SNX30: variants seen among roughly 807,000 people sequenced by gnomAD.
SNX30 encodes the protein sorting nexin-30.
In SNX30, 24 loss-of-function variants were observed where a neutral mutation model predicts 46.4. The ratio of observed to expected loss-of-function variants is 0.52; its 90% CI spans 0.37 to 0.73. The LOEUF (loss-of-function observed/expected upper bound fraction) is 0.73, where lower values mean the gene tolerates loss of function less well. Ranked by LOEUF, SNX30 falls within the 30% of genes least tolerant of loss-of-function variation. The pLI, the probability that SNX30 is intolerant of heterozygous loss-of-function variation, is 0.00. For missense variants in SNX30, 533 were observed against 555.7 expected (o/e 0.96, Z 0.41); for synonymous variants, 189 against 211.5 (o/e 0.89, Z 0.92).
chr9:112,856,930 G>A (rs1184087452), intron 7 of SNX30: 1 of 152,496 alleles, frequency 6.6e-6, no homozygotes, highest in African/African-American at 2.4e-5. Context: ...GTTTCCATGT[G>A]ACAGATGGGG....
chr9:112,796,378 C>G (rs1004585370), intron 1 of SNX30, among the ~76,000 whole-genome samples: 6 of 152,170 alleles, frequency 3.9e-5, no homozygotes, highest in Non-Finnish European at 5.9e-5. Flanking sequence ...TCCTGGAGTT[C>G]CAGAGAAGAT....
intron 2 of SNX30, among the ~76,000 whole-genome samples, chr9:112,816,059 G>A (rs1840391513): frequency 6.6e-6 from 1 of 152,050 alleles, no homozygotes; most frequent in Non-Finnish European, 1.5e-5. Context: ...TGCCCAGGCT[G>A]GTCTCAAACT....
downstream of SNX30, among the ~76,000 whole-genome samples, chr9:112,876,800 G>A (rs534418204): frequency 6.6e-6 from 1 of 152,292 alleles, no homozygotes; most frequent in African/African-American, 2.4e-5. Flanking sequence ...GCCAGACATG[G>A]TGGTGCGTGC....
chr9:112,774,913 C>T (rs1295269839), intron 1 of SNX30, among the ~76,000 whole-genome samples: 3 of 147,504 alleles, frequency 2.0e-5, no homozygotes, highest in Non-Finnish European at 3.0e-5. Flanking sequence ...GGCGCCGTCT[C>T]GACTCACTGC....
Position 112,817,745 on chromosome 9 carries a change from G to A in SNX30, c.389G>A (p.Arg130His), listed in dbSNP as rs1361933194. The A allele has an allele frequency of 8.1e-6, 13 of 1,613,494 alleles. No individual in the cohort carries two copies. The highest frequency in any genetic ancestry group is 2.2e-5 in the East Asian group (1 of 44,864). ...VEFDLPEYSV[R>H]RRYQDFDWLR... ...TTTGACCTGCCAGAATATTCTGTTC[G>A]TCGAAGATACCAGGATTTTGACTGG... Residue 130 changes from arginine to histidine, a missense_variant, in exon 3 of 9, where the codon CGT (arginine) becomes CAT (histidine). By Grantham distance (29) the Arg-to-His change is conservative. This residue lies in a region of SNX30 where 81 missense variants were observed against 124.4 expected (regional missense o/e 0.65). Coordinates refer to ENST00000374232, the MANE Select transcript of SNX30 (RefSeq NM_001012994.2).
chr9:112,751,127 C>T lies in SNX30; in HGVS notation c.126C>T (p.Asp42=). The T allele has an allele frequency of 6.6e-7, 1 of 1,509,966 alleles. No homozygotes were observed. Among genetic ancestry groups the T allele is most frequent in the African/African-American group, 1.4e-5 (1 of 70,798 alleles). 93.5% of individuals were successfully genotyped at this position (1,509,966 alleles called of 1,614,324 possible). The part of the protein sequence containing the change: ...AVGGDSTPSP[D]LLMARSFGDK... ...GTGGTGACAGCACGCCCAGCCCGGACCTGCTGATGGCCCGCAGCTTCGGTG... is the reference window on the plus strand; with the variant it reads ...GTGGTGACAGCACGCCCAGCCCGGATCTGCTGATGGCCCGCAGCTTCGGTG... Residue 42 remains aspartate, a synonymous_variant, in exon 1 of 9, where the codon GAC becomes GAT. Coordinates refer to ENST00000374232, the MANE Select transcript of SNX30 (RefSeq NM_001012994.2).
intron 1 of SNX30, among the ~76,000 whole-genome samples, chr9:112,797,285 T>G (rs1424118123): frequency 6.6e-6 from 1 of 152,226 alleles, no homozygotes; most frequent in African/African-American, 2.4e-5. Context: ...CTTCCTTTCC[T>G]GGCATTTGTC....
intron 1 of SNX30, among the ~76,000 whole-genome samples, chr9:112,756,270 A>AT (rs1413964317): frequency 1.3e-5 from 2 of 151,934 alleles, no homozygotes; most frequent in East Asian, 3.9e-4. Context: ...TTTCTTTGTC[A>AT]TTTTCCAACT....
At position 112,761,687 on chromosome 9, in the gene SNX30, G is replaced by C. The variant is rs188709277; in HGVS notation, c.156+10530G>C. On this transcript the variant is annotated intron_variant, in intron 1 of 8. Transcript: ENST00000374232. ...TGAACAGTGGTGCCGTCTTTGAGAG[G>C]GGGGCGCAGACCGGGAAGCACATGT... 1.5e-4 allele frequency among the ~76,000 whole-genome samples: 23 copies of C among 152,212 alleles called. 1 individual carries two copies. The East Asian group carries it at 4.4e-3, about 29-fold the overall frequency.
At chr9:112,877,465 A>G (rs1000141633), downstream of SNX30, 6 of 152,230 alleles carry the variant, frequency 3.9e-5, no homozygotes, top group African/African-American at 1.2e-4. Flanking sequence ...GAGGTTGAAC[A>G]TGGTCTTGAC....
At chr9:112,789,863 A>G (rs949766764) in intron 1 of SNX30, among the ~76,000 whole-genome samples, 1 of 152,258 alleles carries the variant, frequency 6.6e-6, no homozygotes, top group African/African-American at 2.4e-5. Context: ...AAACCTATGA[A>G]AAACATTTTC....
intron 4 of SNX30, among the ~76,000 whole-genome samples, chr9:112,834,760 A>G (rs1049025874): frequency 6.6e-6 from 1 of 151,916 alleles, no homozygotes; most frequent in African/African-American, 2.4e-5. Context: ...GGCTTAACAC[A>G]CCCAACATTA....
intron 7 of SNX30, among the ~76,000 whole-genome samples, chr9:112,861,928 G>A (rs988441269): frequency 1.5e-5 from 2 of 137,472 alleles, no homozygotes; most frequent in East Asian, 2.5e-4. Context: ...CAGGGGAAGC[G>A]ACAACACTTA....
intron 6 of SNX30, among the ~76,000 whole-genome samples, chr9:112,843,552 T>A (rs1409904851): frequency 6.8e-6 from 1 of 147,314 alleles, no homozygotes; most frequent in Non-Finnish European, 1.5e-5. Context: ...GGCTGGGGAG[T>A]GGAACCTGGT....
At position 112,750,952 on chromosome 9, in the gene SNX30, G is replaced by C; in HGVS notation, c.-50G>C. On this transcript the variant is annotated 5_prime_UTR_variant, in exon 1 of 9. Transcript: ENST00000374232. Reference sequence around the variant, plus strand: ...CCGGGGTGCTCGGGGAGCTCGCCGCGGCGGGCAGCAGGAGGAAGCGGCGGC... The same window carrying C: ...CCGGGGTGCTCGGGGAGCTCGCCGCCGCGGGCAGCAGGAGGAAGCGGCGGC... 8.4e-7 allele frequency: 1 copy of C among 1,193,654 alleles called. No individual in the cohort carries two copies. The highest frequency in any genetic ancestry group is 1.0e-6 in the Non-Finnish European group (1 of 964,276). The allele number at this position is 1,193,654 out of a possible 1,614,324, so 73.9% of individuals were successfully genotyped here. A position where few individuals can be genotyped will look rare whatever the true frequency, so the allele number is the denominator to read the frequency against.
At chr9:112,752,232 C>T (rs1311943444) in intron 1 of SNX30, among the ~76,000 whole-genome samples, 2 of 152,154 alleles carry the variant, frequency 1.3e-5, no homozygotes, top group Non-Finnish European at 2.9e-5. Context: ...CACTTAAAAT[C>T]ACTAGAGAGT....
chr9:112,877,830 G>A (rs1006686486), downstream of SNX30: 5 of 152,156 alleles, frequency 3.3e-5, no homozygotes, highest in East Asian at 1.9e-4. Context: ...CGATCCTGTC[G>A]TTTTAGCCTC....
At chr9:112,779,451 C>G (rs1249955449) in intron 1 of SNX30, among the ~76,000 whole-genome samples, 1 of 152,106 alleles carries the variant, frequency 6.6e-6, no homozygotes, top group Non-Finnish European at 1.5e-5. Context: ...AATCCCAGCA[C>G]TTTGGGAGGC....
intron 3 of SNX30, among the ~76,000 whole-genome samples, chr9:112,819,225 A>T (rs1840452472): frequency 6.6e-6 from 1 of 151,660 alleles, no homozygotes; most frequent in Non-Finnish European, 1.5e-5. Flanking sequence ...TTATTAACTA[A>T]AAGTCTTTTA....
Sources: gnomAD v4.1 joint callset for allele counts (sites outside exome capture counted in the v4.1 genomes callset) on GRCh38, gnomAD v4.1.1 for gene constraint, gnomAD v4.1.1 regional missense constraint, MANE v1.5 for transcripts, NCBI Gene and HGNC (gene_info 2026-07-23, HGNC 2026-07-21) for gene names.